The following TLK2 variants were observed in gnomAD, a reference collection of about 807,000 sequenced individuals.
The protein encoded by TLK2 is serine/threonine-protein kinase tousled-like 2.
In TLK2, 6 loss-of-function variants were observed where a neutral mutation model predicts 117.3. The observed-to-expected ratio is 0.05, with a 90% CI of 0.03 to 0.10. The LOEUF (loss-of-function observed/expected upper bound fraction) is 0.10, where lower values mean the gene tolerates loss of function less well. TLK2 is among the 10% of genes least tolerant of loss of function. TLK2 has a pLI of 1.00. For synonymous variants in TLK2, 257 were observed against 316.7 expected, an observed-to-expected ratio of 0.81 and a Z score of 2.00; for missense variants, 299 against 901.2, an observed-to-expected ratio of 0.33 and a Z score of 8.56.
intron 6 of TLK2, among the ~76,000 whole-genome samples, chr17:62,525,932 G>A (rs955760066): frequency 6.6e-6 from 1 of 152,154 alleles, no homozygotes; most frequent in African/African-American, 2.4e-5. Context: ...GGACAGATAC[G>A]TTTTGTAGAA....
intron 2 of TLK2, among the ~76,000 whole-genome samples, chr17:62,506,455 C>G (rs148082226): frequency 2.0e-5 from 3 of 152,198 alleles, no homozygotes; most frequent in Admixed American, 1.3e-4. Flanking sequence ...CATCATCTTA[C>G]ACCAGTTCCA....
At chr17:62,525,623 A>G (rs934256225) in intron 6 of TLK2, among the ~76,000 whole-genome samples, 6 of 151,772 alleles carry the variant, frequency 4.0e-5, no homozygotes, top group African/African-American at 1.5e-4. Context: ...TAATTTTTGT[A>G]TTTTTTTGTA....
chr17:62,578,463 C>T lies in TLK2; in HGVS notation c.1189-14C>T. 1 of 1,610,950 alleles carries T rather than the reference C, an allele frequency of 6.2e-7. No homozygotes were observed. Among genetic ancestry groups the T allele is most frequent in the Non-Finnish European group, 8.5e-7 (1 of 1,177,592 alleles). On this transcript the variant is annotated splice_polypyrimidine_tract_variant and intron_variant, in intron 13 of 21. Coordinates refer to ENST00000346027, the MANE Select transcript of TLK2 (RefSeq NM_006852.6). ...TCCCCCTATTTTGTGCTATTTCTTT[C>T]CTTTTCGCTTTAGGAGGAAGCAGAG...
intron 2 of TLK2, among the ~76,000 whole-genome samples, chr17:62,520,537 C>T (rs567710008): frequency 6.6e-6 from 1 of 151,742 alleles, no homozygotes; most frequent in South Asian, 2.1e-4. Context: ...ATCAGCTGGG[C>T]GTGGTGGTGG....
intron 10 of TLK2, among the ~76,000 whole-genome samples, chr17:62,564,231 G>A (rs2079539889): frequency 6.6e-6 from 1 of 151,900 alleles, no homozygotes; most frequent in Non-Finnish European, 1.5e-5. Context: ...GGCGAAACCA[G>A]TCTCTACTAA....
chr17:62,557,830 A>G (rs1176552479), intron 9 of TLK2, among the ~76,000 whole-genome samples: 1 of 152,204 alleles, frequency 6.6e-6, no homozygotes, highest in Admixed American at 6.5e-5. Flanking sequence ...AGGAGTTTCA[A>G]AAAAATGTTT....
In TLK2 at chr17:62,602,081, T is replaced by G. The variant is rs2147185286; in HGVS notation, c.1760T>G (p.Ile587Arg). 6.2e-7 allele frequency: 1 copy of G among 1,613,106 alleles called. No individual in the cohort carries two copies. Among genetic ancestry groups the G allele is most frequent in the Non-Finnish European group, 8.5e-7 (1 of 1,179,716 alleles). ...LLVNGTACGE[I>R]KITDFGLSKI... The stretch of plus-strand genomic sequence containing the variant: ...GTAAATGGTACAGCGTGTGGAGAGA[T>G]AAAAATTACAGATTTTGGTCTTTCG... The change falls in exon 19 of 22, where the codon ATA (isoleucine) becomes AGA (arginine). Residue 587 changes from isoleucine (I) to arginine (R), a missense_variant. This residue lies in a region of TLK2 where 81 missense variants were observed against 370.9 expected (regional missense o/e 0.22). Coordinates refer to ENST00000346027, the MANE Select transcript of TLK2 (RefSeq NM_006852.6).
chr17:62,552,153 T>G, intron 7 of TLK2, 149 bp from the exon 8 acceptor site: 1 of 888,356 alleles, frequency 1.1e-6, no homozygotes, highest in Non-Finnish European at 1.7e-6. Context: ...TTTTACTTTC[T>G]TCTTGGCCAC....
chr17:62,531,826 A>G (rs1458884525), intron 6 of TLK2, among the ~76,000 whole-genome samples: 1 of 151,350 alleles, frequency 6.6e-6, no homozygotes, highest in Non-Finnish European at 1.5e-5. Context: ...TCTCAAGACA[A>G]CCCCCAACTC....
intron 1 of TLK2, 28 bp from the exon 2 acceptor site, chr17:62,481,093 G>C (rs1252202892): frequency 5.0e-6 from 8 of 1,611,086 alleles, no homozygotes; most frequent in Non-Finnish European, 6.8e-6. Flanking sequence ...AGTGTTTATG[G>C]TTTCACAGCC....
At chr17:62,501,945 A>C (rs1305323651) in intron 2 of TLK2, among the ~76,000 whole-genome samples, 3 of 151,860 alleles carry the variant, frequency 2.0e-5, no homozygotes, top group Non-Finnish European at 2.9e-5. Context: ...ACAAACAATC[A>C]AACAAAGTCT....
intron 21 of TLK2, among the ~76,000 whole-genome samples, chr17:62,608,631 T>G (rs1297933907): frequency 6.6e-6 from 1 of 152,158 alleles, no homozygotes; most frequent in East Asian, 1.9e-4. Flanking sequence ...TTTAATTGAC[T>G]CAGCTCAGCA....
intron 2 of TLK2, among the ~76,000 whole-genome samples, chr17:62,514,553 A>G (rs1013980441): frequency 7.9e-5 from 12 of 151,706 alleles, no homozygotes; most frequent in African/African-American, 2.9e-4. Context: ...AAATACACAT[A>G]ACATAAAATT....
intron 5 of TLK2, 148 bp downstream of exon 5, chr17:62,523,325 T>C (rs1343551100): frequency 1.7e-6 from 2 of 1,150,250 alleles, no homozygotes; most frequent in Non-Finnish European, 2.4e-6. Flanking sequence ...ATGCTTGTAA[T>C]CCCAGCACTT....
At chr17:62,529,090 G>C (rs1485198252) in intron 6 of TLK2, among the ~76,000 whole-genome samples, 1 of 152,112 alleles carries the variant, frequency 6.6e-6, no homozygotes, top group East Asian at 1.9e-4. Context: ...ATTTTTGGCT[G>C]TTCTATCAAT....
In TLK2 at chr17:62,613,418, A is replaced by T. The variant is rs1488563444; in HGVS notation, c.*853A>T. The T allele has an allele frequency of 6.6e-6, 1 of 152,616 alleles. No homozygotes were observed. The highest frequency in any genetic ancestry group is 1.9e-4 in the East Asian group (1 of 5,202). The allele number at this position is 152,616 out of a possible 1,614,324, so 9.5% of individuals were successfully genotyped here. A position where few individuals can be genotyped will look rare whatever the true frequency, so the allele number is the denominator to read the frequency against. On this transcript the variant is annotated 3_prime_UTR_variant, in exon 22 of 22. Coordinates refer to ENST00000346027, the MANE Select transcript of TLK2 (RefSeq NM_006852.6). The stretch of plus-strand genomic sequence containing the variant: ...TTTTCAACTATTTCTTCACAATTTG[A>T]ACACTTGACGGTTGTCCCTTTTAAT...
chr17:62,613,173 T>A lies in TLK2; in HGVS notation c.*608T>A, dbSNP rs2083915068. 1 of 152,664 alleles carries A rather than the reference T, an allele frequency of 6.6e-6. No homozygotes were observed. The allele number at this position is 152,664 out of a possible 1,614,324, so 9.5% of individuals were successfully genotyped here. On this transcript the variant is annotated 3_prime_UTR_variant, in exon 22 of 22. Transcript: ENST00000346027. ...GCTTCCCTCTCCCCTTTTTTATTTT[T>A]GAAAGAATACATTTGGTCATAAAGT...
upstream of TLK2, among the ~76,000 whole-genome samples, chr17:62,478,537 T>TGCGGCCCGTCAGCCGGC (rs1414963592): frequency 6.7e-6 from 1 of 149,908 alleles, no homozygotes; most frequent in African/African-American, 2.4e-5. Flanking sequence ...CCCCTCGCGT[T>TGCGGCCCGTCAGCCGGC]GCGGCCCGTC....
At chr17:62,547,616 A>G (rs1382919498) in intron 7 of TLK2, among the ~76,000 whole-genome samples, 1 of 152,108 alleles carries the variant, frequency 6.6e-6, no homozygotes, top group Non-Finnish European at 1.5e-5. Flanking sequence ...TAACTTTTGC[A>G]TTTTTACTTA....
Sources: allele counts gnomAD v4.1 joint callset (sites outside exome capture counted in the v4.1 genomes callset), GRCh38; gene constraint gnomAD v4.1.1; regional missense constraint gnomAD v4.1.1; transcripts MANE v1.5; gene names NCBI Gene and HGNC (gene_info 2026-07-23, HGNC 2026-07-21).